Variants in MYO5C observed in about 807,000 individuals in gnomAD.
The protein encoded by MYO5C is myosin VC.
Under a neutral mutation model 235.7 loss-of-function variants are expected in MYO5C, and 194 were observed. That is an observed-to-expected ratio of 0.82 (90% CI 0.73 to 0.93). The LOEUF (loss-of-function observed/expected upper bound fraction) is 0.93. Ranked by LOEUF, MYO5C falls within the 40% of genes least tolerant of loss-of-function variation. The probability of loss-of-function intolerance (pLI) is 0.00; values close to 1 mark genes in which losing one functional copy is unlikely to be tolerated. For synonymous variants in MYO5C, 707 were observed against 754.8 expected, an observed-to-expected ratio of 0.94 and a Z score of 1.04; for missense variants, 2,038 against 2,127.2, an observed-to-expected ratio of 0.96 and a Z score of 0.82.
chr15:52,243,942 C>A (rs180870316), intron 19 of MYO5C, among the ~76,000 whole-genome samples: 192 of 152,354 alleles, frequency 1.3e-3, no homozygotes, highest in African/African-American at 4.5e-3. Flanking sequence ...CCATGGTGCA[C>A]CCCACCTGTT....
chr15:52,295,490 G>C, intron 1 of MYO5C, 120 bp downstream of exon 1: 4 of 1,210,408 alleles, frequency 3.3e-6, no homozygotes, highest in Non-Finnish European at 4.3e-6. Context: ...GCGCGCGCCC[G>C]CCCGCCCTGC....
chr15:52,244,603 C>G (rs1382013534), intron 18 of MYO5C, 36 bp from the exon 19 acceptor site: 4 of 1,463,540 alleles, frequency 2.7e-6, no homozygotes, highest in Non-Finnish European at 3.8e-6. Context: ...GAATTAAAAT[C>G]TGTCAGATTT....
Position 52,256,587 on chromosome 15 carries a change from A to ACACACACGCGCGCGCGCGCACGCGCGCG in MYO5C, c.1395+51_1395+52insCGCGCGCGTGCGCGCGCGCGCGTGTGTG. Reference sequence around the variant, plus strand: ...AACACACACACACACACACACACACACGCGCGCGCGCGCGGCTGAGAACTA... The same window carrying ACACACACGCGCGCGCGCGCACGCGCGCG: ...AACACACACACACACACACACACACACACACACGCGCGCGCGCGCACGCGCGCGCGCGCGCGCGCGCGGCTGAGAACTA... On this transcript the variant is annotated intron_variant, in intron 11 of 40. Coordinates refer to ENST00000261839, the MANE Select transcript of MYO5C (RefSeq NM_018728.4). The ACACACACGCGCGCGCGCGCACGCGCGCG allele has an allele frequency of 8.0e-4, 456 of 567,788 alleles. 2 individuals are homozygous for ACACACACGCGCGCGCGCGCACGCGCGCG. In the African/African-American group the frequency reaches 8.6e-3, roughly 11 times the overall value. The allele number at this position is 567,788 out of a possible 1,614,324, so 35.2% of individuals were successfully genotyped here.
intron 4 of MYO5C, chr15:52,277,074 T>G (rs1203954353): frequency 2.1e-6 from 1 of 472,418 alleles, no homozygotes. Context: ...CGGTCCAATA[T>G]TTTCATTTCA....
chr15:52,262,748 C>A (rs1186182636), intron 9 of MYO5C, among the ~76,000 whole-genome samples: 1 of 152,206 alleles, frequency 6.6e-6, no homozygotes, highest in African/African-American at 2.4e-5. Flanking sequence ...CCGTTGGTAG[C>A]AGACAGCCAA....
intron 35 of MYO5C, among the ~76,000 whole-genome samples, chr15:52,209,729 A>G (rs1392614250): frequency 6.6e-6 from 1 of 152,238 alleles, no homozygotes; most frequent in Non-Finnish European, 1.5e-5. Flanking sequence ...TTATGCAAAT[A>G]TGGACAGGGA....
chr15:52,250,235 T>C (rs2036441411), intron 13 of MYO5C, among the ~76,000 whole-genome samples: 1 of 109,784 alleles, frequency 9.1e-6, no homozygotes, highest in African/African-American at 3.3e-5. Flanking sequence ...CTTTTTTTTT[T>C]CTTTTTCTTT....
intron 8 of MYO5C, chr15:52,265,071 C>T (rs2036775346): frequency 6.6e-6 from 1 of 152,302 alleles, no homozygotes; most frequent in Non-Finnish European, 1.5e-5. Flanking sequence ...ACTCACACCT[C>T]TGCAGTTGTA....
At position 52,278,891 on chromosome 15, in the gene MYO5C, G is replaced by A. The variant is rs777281856; in HGVS notation, c.431C>T (p.Ala144Val). The A allele has an allele frequency of 1.9e-6, 3 of 1,614,054 alleles. No homozygotes were observed. The highest frequency in any genetic ancestry group is 3.3e-5 in the Admixed American group (2 of 60,014). The change falls in exon 4 of 41, where the codon GCA becomes GTA. Residue 144 changes from alanine (A) to valine (V), a missense_variant. Transcript: ENST00000261839. ...AAGCTACCTGGCCATCTGCTTGTAT[G>A]CCTCTTCTGCCACGGCAAATATGTG... ...DPHIFAVAEE[A>V]YKQMARNNRN...
chr15:52,260,617 C>A (rs923272505), intron 10 of MYO5C, among the ~76,000 whole-genome samples: 8 of 152,224 alleles, frequency 5.3e-5, no homozygotes, highest in Non-Finnish European at 7.3e-5. Context: ...AGCCAAGCAG[C>A]CTCAGAGCTG....
chr15:52,193,890 C>CT lies in MYO5C; in HGVS notation c.*11dup, dbSNP rs774397726. On this transcript the variant is annotated 3_prime_UTR_variant, in exon 41 of 41. Transcript: ENST00000261839. ...AGCTTTTGAAGAAAAAGTGCATTGA[C>CT]TTTTTCTCCTGCTATAACCTATTCA... The CT allele has an allele frequency of 1.2e-6, 2 of 1,600,848 alleles. No individual in the cohort carries two copies. The highest frequency in any genetic ancestry group is 8.5e-7 in the Non-Finnish European group (1 of 1,176,360).
chr15:52,211,757 G>A lies in MYO5C; in HGVS notation c.4269C>T (p.Thr1423=), dbSNP rs757350110. The A allele has an allele frequency of 6.6e-5, 106 of 1,613,888 alleles. No individual in the cohort carries two copies. The highest frequency in any genetic ancestry group is 2.3e-4 in the Admixed American group (14 of 59,992). Residue 1423 remains threonine, a synonymous_variant, in exon 35 of 41, where the codon ACC becomes ACT. Transcript: ENST00000261839. ...TAACCACCTGCTTGATGCCATTAAT[G>A]GTGCTGTTCATGAGGGACTTCAGCA... The part of the protein sequence containing the change: ...ANMLKSLMNS[T]INGIKQVVKE...
At chr15:52,215,093 A>G (rs1033449294) in intron 32 of MYO5C, among the ~76,000 whole-genome samples, 1 of 152,238 alleles carries the variant, frequency 6.6e-6, no homozygotes, top group Non-Finnish European at 1.5e-5. Flanking sequence ...ATGTCGTAGC[A>G]TGTATCAGCA....
chr15:52,285,240 T>C (rs989738618), intron 1 of MYO5C, among the ~76,000 whole-genome samples: 1 of 151,976 alleles, frequency 6.6e-6, no homozygotes, highest in African/African-American at 2.4e-5. Flanking sequence ...TGGTGGTGCA[T>C]GCCTGTAATC....
chr15:52,232,738 T>TTG, intron 23 of MYO5C, 53 bp from the exon 24 acceptor site: 2 of 1,461,124 alleles, frequency 1.4e-6, no homozygotes, highest in Non-Finnish European at 1.9e-6. Context: ...ATGCCTTGAT[T>TTG]GTTTCATGTT....
chr15:52,269,892 G>GT, intron 7 of MYO5C, 32 bp from the exon 8 acceptor site: 1 of 1,461,806 alleles, frequency 6.8e-7, no homozygotes, highest in Non-Finnish European at 9.6e-7. Context: ...TGTTATGTCT[G>GT]TAACACAGAA....
rs768350697 is a variant in MYO5C, at chr15:52,264,217, C to T, written c.1020G>A (p.Ala340=). ...TAACTGAGGACCTCTCGTTGCCCAC[C>T]GCGGTGATCTGCACATTGCCCAGAT... ...ILHLGNVQIT[A]VGNERSSVSE... Residue 340 remains alanine (A), a synonymous_variant, in exon 9 of 41, where the codon GCG becomes GCA. Coordinates refer to ENST00000261839, the MANE Select transcript of MYO5C (RefSeq NM_018728.4). The T allele has an allele frequency of 2.2e-5, 36 of 1,613,682 alleles. No homozygotes were observed. The highest frequency in any genetic ancestry group is 1.6e-4 in the South Asian group (15 of 91,068).
chr15:52,253,008 C>T lies in MYO5C; in HGVS notation c.1536+309G>A, dbSNP rs74015646. Among the ~76,000 whole-genome samples the T allele has an allele frequency of 3.7e-3, 563 of 152,234 alleles. 4 individuals are homozygous for T. The highest frequency in any genetic ancestry group is 0.013 in the African/African-American group (527 of 41,540). ...AGAAAACTCAATTCTTATTAGTCAC[C>T]GACAACTTGAGTGGAGTCACTTGCT... On this transcript the variant is annotated intron_variant, in intron 12 of 40. Transcript: ENST00000261839.
At position 52,225,125 on chromosome 15, in the gene MYO5C, C is replaced by T. The variant is rs1459162456; in HGVS notation, c.3315G>A (p.Glu1105=). ...QKREMREKMS[E]ITKQLLESYD... ...AGCTTTCGAGAAGTTGTTTGGTGAT[C>T]TCTGACATCTTTTCTGAAAGGGAAA... The change falls in exon 27 of 41, where the codon GAG becomes GAA. Residue 1105 remains glutamate, a synonymous_variant. Transcript: ENST00000261839. 1 of 1,614,044 alleles carries T rather than the reference C, an allele frequency of 6.2e-7. No individual in the cohort carries two copies. The highest frequency in any genetic ancestry group is 1.1e-5 in the South Asian group (1 of 91,060).
Sources: gnomAD v4.1 joint callset for allele counts (sites outside exome capture counted in the v4.1 genomes callset) on GRCh38, gnomAD v4.1.1 for gene constraint, MANE v1.5 for transcripts, NCBI Gene and HGNC (gene_info 2026-07-23, HGNC 2026-07-21) for gene names.